Variants in IL12RB1 observed in about 807,000 individuals in gnomAD.
IL12RB1 encodes the protein interleukin-12 receptor subunit beta-1.
IL12RB1 carries 64 observed loss-of-function variants against 94.4 expected under a neutral mutation model. The ratio of observed to expected loss-of-function variants is 0.68; its 90% CI spans 0.55 to 0.83. The LOEUF is 0.83. Ranked by LOEUF, IL12RB1 falls within the 40% of genes least tolerant of loss-of-function variation. The probability of loss-of-function intolerance (pLI) is 0.00; values close to 1 mark genes in which losing one functional copy is unlikely to be tolerated. For synonymous variants in IL12RB1, 362 were observed against 355.5 expected, an observed-to-expected ratio of 1.02 and a Z score of -0.21; for missense variants, 814 against 855.6, an observed-to-expected ratio of 0.95 and a Z score of 0.61.
chr19:18,092,698 C>T lies in IL12RB1; in HGVS notation c.-229-1929G>A, dbSNP rs1304552577. Among the ~76,000 whole-genome samples the T allele has an allele frequency of 1.2e-4, 18 of 149,680 alleles. No homozygotes were observed. The South Asian group carries it at 3.8e-3, about 32-fold the overall frequency. Reference sequence around the variant, plus strand: ...AAAAAAAAAAAAAAAGAAATGTGGTCTCACTATGTTGCCTAGGCTGGTCTC... The same window carrying T: ...AAAAAAAAAAAAAAAGAAATGTGGTTTCACTATGTTGCCTAGGCTGGTCTC... On this transcript the variant is annotated intron_variant, in intron 1 of 4. Transcript: ENST00000594176.
intron 1 of IL12RB1, among the ~76,000 whole-genome samples, chr19:18,098,373 A>AT (rs1235113983): frequency 5.5e-5 from 7 of 126,306 alleles, no homozygotes; most frequent in Non-Finnish European, 1.1e-4. Context: ...CTGGGATTCG[A>AT]TCTGCGCCCT....
chr19:18,093,403 T>C lies in IL12RB1; in HGVS notation c.-229-2634A>G, dbSNP rs561551468. ...GTGTGTTAACCACAGAAAAACTGCATTCATTCATTCAGTCAGTCCAGTCAG... is the reference window on the plus strand; with the variant it reads ...GTGTGTTAACCACAGAAAAACTGCACTCATTCATTCAGTCAGTCCAGTCAG... On this transcript the variant is annotated intron_variant, in intron 1 of 4. Coordinates refer to the IL12RB1 transcript ENST00000594176. 4.0e-5 allele frequency among the ~76,000 whole-genome samples: 6 copies of C among 151,864 alleles called. No individual in the cohort carries two copies. The East Asian group carries it at 1.2e-3, about 29-fold the overall frequency.
At chr19:18,065,810 C>T (rs748952140) in intron 12 of IL12RB1, among the ~76,000 whole-genome samples, 14 of 151,622 alleles carry the variant, frequency 9.2e-5, no homozygotes, top group Non-Finnish European at 1.3e-4. Flanking sequence ...CAGAGACAGA[C>T]TCCCTCTCAA....
intron 13 of IL12RB1, 75 bp from the exon 14 acceptor site, chr19:18,062,352 G>A: frequency 2.3e-6 from 2 of 882,734 alleles, no homozygotes; most frequent in South Asian, 1.6e-5. Context: ...GGAGGGCCTG[G>A]TTTCTCCATG....
intron 9 of IL12RB1, chr19:18,070,583 A>C (rs2146229167): frequency 1.0e-6 from 1 of 964,500 alleles, no homozygotes; most frequent in Admixed American, 6.2e-5. Flanking sequence ...ACAGCCGTTT[A>C]TTGAGTACCA....
Position 18,059,350 on chromosome 19 carries a change from GTC to G in IL12RB1, c.*256_*257del. 1 of 581,976 alleles carries G rather than the reference GTC, an allele frequency of 1.7e-6. No individual in the cohort carries two copies. The highest frequency in any genetic ancestry group is 2.0e-5 in the South Asian group (1 of 50,734). The allele number at this position is 581,976 out of a possible 1,614,324, so 36.1% of individuals were successfully genotyped here. On this transcript the variant is annotated 3_prime_UTR_variant, in exon 17 of 17. Transcript: ENST00000593993. ...TGAGCCCCCCTTGCCCCCATTCCCA[GTC>G]CATTCTACGCCAGAACAGGTAAATG...
intron 5 of IL12RB1, 25 bp from the exon 6 acceptor site, chr19:18,076,352 T>C (rs781422364): frequency 2.9e-5 from 36 of 1,249,636 alleles, no homozygotes; most frequent in African/African-American, 5.9e-5. Context: ...TATTCATATA[T>C]TGTTTTGCAT....
At chr19:18,063,078 ATTTTTTTTTTTTTTTTTTTTT>A (rs67262412) in intron 13 of IL12RB1, among the ~76,000 whole-genome samples, 1 of 51,432 alleles carries the variant, frequency 1.9e-5, no homozygotes, top group Non-Finnish European at 3.1e-5. Flanking sequence ...TTCTTCTTCT[ATTTTTTTTTTTTTTTTTTTTT>A]TTTTTTTTTT....
intron 1 of IL12RB1, among the ~76,000 whole-genome samples, chr19:18,095,507 G>T (rs55881864): frequency 0.11 from 17,368 of 152,164 alleles, 1,304 homozygotes; most frequent in Non-Finnish European, 0.17. Context: ...ATTGGTAGTT[G>T]CCAGGGGCTG....
At chr19:18,070,222 C>T (rs1329733123) in intron 9 of IL12RB1, among the ~76,000 whole-genome samples, 1 of 152,166 alleles carries the variant, frequency 6.6e-6, no homozygotes, top group African/African-American at 2.4e-5. Context: ...ATCCAGTCAG[C>T]AGGTGGTGTT....
chr19:18,094,887 T>C (rs773087115), intron 1 of IL12RB1, among the ~76,000 whole-genome samples: 1 of 151,790 alleles, frequency 6.6e-6, no homozygotes, highest in Non-Finnish European at 1.5e-5. Context: ...CCAAAATATA[T>C]CCACAAAGGC....
In IL12RB1 at chr19:18,060,100, T is replaced by A; in HGVS notation, c.1792-15A>T. 6.7e-7 allele frequency: 1 copy of A among 1,492,960 alleles called. No homozygotes were observed. Among genetic ancestry groups the A allele is most frequent in the Non-Finnish European group, 9.3e-7 (1 of 1,073,840 alleles). The allele number at this position is 1,492,960 out of a possible 1,614,324, so 92.5% of individuals were successfully genotyped here. A position where few individuals can be genotyped will look rare whatever the true frequency, so the allele number is the denominator to read the frequency against. ...CACTGCCAAGTCTGCAGAGGGAGGG[T>A]AGGGCCACAGCTGTGAGCAGAGCTC... On this transcript the variant is annotated splice_polypyrimidine_tract_variant and intron_variant, in intron 15 of 16. Coordinates refer to ENST00000593993, the MANE Select transcript of IL12RB1 (RefSeq NM_005535.3).
At chr19:18,088,388 A>AATATATATATATAT (rs372635550), upstream of IL12RB1, among the ~76,000 whole-genome samples, 9 of 108,522 alleles carry the variant, frequency 8.3e-5, no homozygotes, top group East Asian at 2.4e-4. Flanking sequence ...TCCATCTCAA[A>AATATATATATATAT]ATATATATAT....
At chr19:18,083,351 G>T in intron 2 of IL12RB1, 81 bp downstream of exon 2, 1 of 1,303,848 alleles carries the variant, frequency 7.7e-7, no homozygotes, top group Non-Finnish European at 1.1e-6. Context: ...TGGTGGTGGA[G>T]GCCATGGGAG....
Position 18,059,441 on chromosome 19 carries a change from G to T in IL12RB1, c.*167C>A. ...AGGGTGCAGCAGCTTCCATTTCATG[G>T]CAGCATCTAGGGTTCCCCCGCAGGA... On this transcript the variant is annotated 3_prime_UTR_variant, in exon 17 of 17. Coordinates refer to ENST00000593993, the MANE Select transcript of IL12RB1 (RefSeq NM_005535.3). 2 of 649,330 alleles carry T rather than the reference G, an allele frequency of 3.1e-6. No homozygotes were observed. Among genetic ancestry groups the T allele is most frequent in the Non-Finnish European group, 2.8e-6 (1 of 356,364 alleles). The allele number at this position is 649,330 out of a possible 1,614,324, so 40.2% of individuals were successfully genotyped here.
intron 11 of IL12RB1, among the ~76,000 whole-genome samples, chr19:18,068,153 G>C (rs17882076): frequency 2.1e-5 from 3 of 145,126 alleles, no homozygotes; most frequent in African/African-American, 7.7e-5. Context: ...AGCCTCCCAA[G>C]TATCTGGAAT....
chr19:18,073,850 A>C (rs2035254582), intron 7 of IL12RB1, among the ~76,000 whole-genome samples: 1 of 152,214 alleles, frequency 6.6e-6, no homozygotes, highest in African/African-American at 2.4e-5. Flanking sequence ...TTTGAGACGA[A>C]GTCTCACTCT....
chr19:18,065,066 T>C (rs539538111), intron 12 of IL12RB1, among the ~76,000 whole-genome samples: 1 of 152,282 alleles, frequency 6.6e-6, no homozygotes, highest in South Asian at 2.1e-4. Context: ...GGTATAAATA[T>C]GAGACGTAGC....
At chr19:18,083,776 C>T (rs1203116131) in intron 1 of IL12RB1, among the ~76,000 whole-genome samples, 2 of 150,396 alleles carry the variant, frequency 1.3e-5, no homozygotes, top group Non-Finnish European at 1.5e-5. Flanking sequence ...ATCCATCCAT[C>T]CATGTATTCA....
Sources: gnomAD v4.1 joint callset for allele counts (sites outside exome capture counted in the v4.1 genomes callset) on GRCh38, gnomAD v4.1.1 for gene constraint, MANE v1.5 for transcripts, NCBI Gene and HGNC (gene_info 2026-07-23, HGNC 2026-07-21) for gene names.